CRHR2: variants seen among roughly 807,000 people sequenced by gnomAD.
CRHR2 encodes corticotropin releasing hormone receptor 2.
Under a neutral mutation model 57.9 loss-of-function variants are expected in CRHR2, and 53 were observed. The ratio of observed to expected loss-of-function variants is 0.92; its 90% CI spans 0.73 to 1.15. The LOEUF (loss-of-function observed/expected upper bound fraction) is 1.15. CRHR2 is among the 50% of genes most tolerant of loss of function. CRHR2 has a pLI of 0.00. For synonymous variants in CRHR2, 213 were observed against 220.9 expected (o/e 0.96, Z 0.32); for missense variants, 532 against 542.6 (o/e 0.98, Z 0.19).
rs770014787 is a variant in CRHR2 at position 30,680,038 on chromosome 7, G to T, written c.229+1877C>A. On this transcript the variant is annotated intron_variant, in intron 2 of 11. Coordinates refer to ENST00000471646, the MANE Select transcript of CRHR2 (RefSeq NM_001883.5). ...GGGCTAATTGGCCCTACTTTTACCA[G>T]CCTGGGTGGTGCCCCAACCTTTTAT... Among the ~76,000 whole-genome samples, 3 of 152,176 alleles carry T rather than the reference G, an allele frequency of 2.0e-5. No homozygotes were observed. The South Asian group carries it at 6.2e-4, about 32-fold the overall frequency.
intron 5 of CRHR2, among the ~76,000 whole-genome samples, chr7:30,663,611 C>G (rs1165528112): frequency 6.6e-6 from 1 of 152,196 alleles, no homozygotes; most frequent in Non-Finnish European, 1.5e-5. Context: ...AGCAAGGCCA[C>G]CCTTCCCCAG....
intron 1 of CRHR2, among the ~76,000 whole-genome samples, chr7:30,695,262 C>T (rs1455675417): frequency 6.6e-6 from 1 of 152,080 alleles, no homozygotes. Flanking sequence ...ATACTCAGTT[C>T]TAACTTGTAG....
upstream of CRHR2, chr7:30,682,684 G>C: frequency 4.4e-6 from 1 of 224,728 alleles, no homozygotes; most frequent in Non-Finnish European, 7.6e-6. Context: ...CGTGGGCCTG[G>C]GGTGACGGAA....
At chr7:30,697,400 T>C (rs1257793080) in intron 1 of CRHR2, among the ~76,000 whole-genome samples, 1 of 152,164 alleles carries the variant, frequency 6.6e-6, no homozygotes, top group Non-Finnish European at 1.5e-5. Context: ...TTGCTGAGCC[T>C]CTTTAAACTT....
intron 2 of CRHR2, among the ~76,000 whole-genome samples, chr7:30,672,942 C>G (rs942477950): frequency 2.3e-4 from 35 of 152,214 alleles, no homozygotes; most frequent in Non-Finnish European, 2.2e-4. Flanking sequence ...CGCTTCCTCA[C>G]GGGAGACCCT....
chr7:30,695,820 C>T (rs1317769921), intron 1 of CRHR2, among the ~76,000 whole-genome samples: 1 of 152,150 alleles, frequency 6.6e-6, no homozygotes, highest in Non-Finnish European at 1.5e-5. Context: ...GAATCCTGGT[C>T]CTGCCACATA....
chr7:30,681,972 C>T lies in CRHR2; in HGVS notation c.172G>A (p.Ala58Thr). The change falls in exon 2 of 12, where the codon GCC becomes ACC. Residue 58 changes from alanine to threonine, a missense_variant. Coordinates refer to ENST00000471646, the MANE Select transcript of CRHR2 (RefSeq NM_001883.5). ...GTCWPRSAAG[A>T]LVERPCPEYF... The stretch of plus-strand genomic sequence containing the variant: ...TCGGGGCACGGCCTCTCCACGAGGG[C>T]TCCGGCAGCGCTGCGGGGCCAGCAC... 1 of 1,611,040 alleles carries T rather than the reference C, an allele frequency of 6.2e-7. No individual in the cohort carries two copies. Among genetic ancestry groups the T allele is most frequent in the Non-Finnish European group, 8.5e-7 (1 of 1,179,134 alleles).
chr7:30,653,377 C>T lies in CRHR2; in HGVS notation c.*83G>A. On this transcript the variant is annotated 3_prime_UTR_variant, in exon 12 of 12. Transcript: ENST00000471646. This position sits in a 1 kb window ranked among gnomAD's most constrained non-coding sequence, Gnocchi z 5.0. Reference sequence around the variant, plus strand: ...GTCTCTCCCCTCCCATCTCCTGCCCCACGAGAGCCTGCCCAGCACAGAGAA... The same window carrying T: ...GTCTCTCCCCTCCCATCTCCTGCCCTACGAGAGCCTGCCCAGCACAGAGAA... 3.9e-6 allele frequency: 6 copies of T among 1,538,076 alleles called. No homozygotes were observed. Among genetic ancestry groups the T allele is most frequent in the Non-Finnish European group, 5.3e-6 (6 of 1,141,918 alleles).
Position 30,665,487 on chromosome 7 carries a change from G to C in CRHR2, c.425+43C>G. 1 of 1,462,600 alleles carries C rather than the reference G, an allele frequency of 6.8e-7. No homozygotes were observed. 90.6% of individuals were successfully genotyped at this position (1,462,600 alleles called of 1,614,324 possible). ...TGGGAGAGGTGAAGGGGGTGCTGTA[G>C]GGGGAGGGATGAGGAGAAAGCAAGG... On this transcript the variant is annotated intron_variant, in intron 4 of 11. Coordinates refer to ENST00000471646, the MANE Select transcript of CRHR2 (RefSeq NM_001883.5). This position sits in a 1 kb window ranked among gnomAD's most constrained non-coding sequence, Gnocchi z 4.5.
At chr7:30,686,963 A>T (rs1440555297), upstream of CRHR2, among the ~76,000 whole-genome samples, 1 of 152,206 alleles carries the variant, frequency 6.6e-6, no homozygotes, top group Non-Finnish European at 1.5e-5. Context: ...ACAATATAAT[A>T]AGCCTACCAC....
At chr7:30,666,127 G>A (rs915680395) in intron 3 of CRHR2, among the ~76,000 whole-genome samples, 4 of 152,034 alleles carry the variant, frequency 2.6e-5, no homozygotes, top group Non-Finnish European at 4.4e-5. Flanking sequence ...GTCTCAGCCC[G>A]GATCCCAGCT....
chr7:30,680,144 C>T (rs1045690413), intron 2 of CRHR2, among the ~76,000 whole-genome samples: 3 of 152,008 alleles, frequency 2.0e-5, no homozygotes, highest in African/African-American at 7.2e-5. Context: ...TCCTTGTCAC[C>T]CCGCCCCCAC....
chr7:30,694,202 G>C (rs932015413), intron 1 of CRHR2, among the ~76,000 whole-genome samples: 4 of 152,232 alleles, frequency 2.6e-5, no homozygotes, highest in African/African-American at 9.6e-5. Context: ...CAGGTTGTGG[G>C]CTTTTCCTGC....
At chr7:30,696,639 G>C (rs1419743958) in intron 1 of CRHR2, among the ~76,000 whole-genome samples, 1 of 152,058 alleles carries the variant, frequency 6.6e-6, no homozygotes, top group African/African-American at 2.4e-5. Flanking sequence ...CAGGAGAATC[G>C]CTTGAACCCA....
chr7:30,671,996 A>G (rs1359764371), intron 2 of CRHR2, among the ~76,000 whole-genome samples: 2 of 152,178 alleles, frequency 1.3e-5, no homozygotes, highest in Non-Finnish European at 2.9e-5. Flanking sequence ...AGAAGGAATG[A>G]AGTCACTACA....
At chr7:30,680,028 A>G (rs928060814) in intron 2 of CRHR2, among the ~76,000 whole-genome samples, 6 of 152,204 alleles carry the variant, frequency 3.9e-5, no homozygotes, top group Non-Finnish European at 7.3e-5. Context: ...AATTGGCCCT[A>G]CTTTTACCAG....
At position 30,655,923 on chromosome 7, in the gene CRHR2, A is replaced by T. The variant is rs75954439; in HGVS notation, c.917+4T>A. ...TTGTGGGGTCAAGGGACCCCCTCAC[A>T]TACCTGTACTGGATTGTCTCGGATG... On this transcript the variant is annotated splice_donor_region_variant and intron_variant, in intron 9 of 11. Transcript: ENST00000471646. 1 of 1,613,734 alleles carries T rather than the reference A, an allele frequency of 6.2e-7. No homozygotes were observed. The highest frequency in any genetic ancestry group is 2.2e-5 in the East Asian group (1 of 44,868).
intron 5 of CRHR2, among the ~76,000 whole-genome samples, 194 bp from the exon 6 acceptor site, chr7:30,663,041 G>T (rs539411038): frequency 1.3e-5 from 2 of 152,312 alleles, no homozygotes; most frequent in South Asian, 2.1e-4. Flanking sequence ...TTAAGTTAAG[G>T]TGCCATTCTC....
chr7:30,682,177 C>A lies in CRHR2; in HGVS notation c.103+1G>T. ...CCTCCGACCGCTCGCCTCCCGCCTACCCTCGGGGTCCAGGGGTGGCCCCCA... is the reference window on the plus strand; with the variant it reads ...CCTCCGACCGCTCGCCTCCCGCCTAACCTCGGGGTCCAGGGGTGGCCCCCA... On this transcript the variant is annotated splice_donor_variant, in intron 1 of 11. Transcript: ENST00000471646. LOFTEE classifies it high-confidence loss of function. The A allele has an allele frequency of 6.4e-7, 1 of 1,571,718 alleles. No homozygotes were observed. The highest frequency in any genetic ancestry group is 1.4e-5 in the African/African-American group (1 of 73,080).
Sources: gnomAD v4.1 joint callset for allele counts (sites outside exome capture counted in the v4.1 genomes callset) on GRCh38, gnomAD v4.1.1 for gene constraint, Gnocchi (gnomAD v3.1) non-coding constraint, MANE v1.5 for transcripts, NCBI Gene and HGNC (gene_info 2026-07-23, HGNC 2026-07-21) for gene names.